ZDHHC15: variants seen among roughly 807,000 people sequenced by gnomAD.
The protein encoded by ZDHHC15 is palmitoyltransferase ZDHHC15.
A neutral mutation model predicts 31.7 loss-of-function variants in ZDHHC15; 19 were observed. The ratio of observed to expected loss-of-function variants is 0.60; its 90% CI spans 0.42 to 0.88. The LOEUF is 0.88. Ranked by LOEUF, ZDHHC15 falls within the 40% of genes least tolerant of loss-of-function variation. The pLI is 0.00. For synonymous variants in ZDHHC15, 103 were observed against 90.0 expected, an observed-to-expected ratio of 1.14 and a Z score of -0.82; for missense variants, 209 against 251.2, an observed-to-expected ratio of 0.83 and a Z score of 1.14.
intron 10 of ZDHHC15, among the ~76,000 whole-genome samples, chrX:75,380,807 T>C (rs2083106409): frequency 2.7e-5 from 3 of 111,543 alleles, no homozygotes; most frequent in Admixed American, 1.9e-4. Context: ...TTTCACTTAC[T>C]CAATATATGT....
intron 2 of ZDHHC15, among the ~76,000 whole-genome samples, chrX:75,481,487 C>T (rs1354779328): frequency 8.9e-6 from 1 of 111,934 alleles, no homozygotes; most frequent in Non-Finnish European, 1.9e-5. Context: ...GCTCCCATTC[C>T]TACATTACAA....
In ZDHHC15 at chrX:75,498,285, G is replaced by A. The variant is rs925293645; in HGVS notation, c.163+7536C>T. On this transcript the variant is annotated intron_variant, in intron 2 of 11. Coordinates refer to ENST00000373367, the MANE Select transcript of ZDHHC15 (RefSeq NM_144969.3). Reference sequence around the variant, plus strand: ...TAGGATCAGAAGTCCTAGCCAGAGCGATCAGACAAGAGAAAGAAACTGGTA... The same window carrying A: ...TAGGATCAGAAGTCCTAGCCAGAGCAATCAGACAAGAGAAAGAAACTGGTA... Among the ~76,000 whole-genome samples the A allele has an allele frequency of 5.4e-5, 6 of 110,170 alleles. No homozygotes were observed. In the East Asian group the frequency reaches 1.4e-3, roughly 26 times the overall value.
At chrX:75,454,725 T>G (rs1354099500) in intron 3 of ZDHHC15, among the ~76,000 whole-genome samples, 1 of 111,456 alleles carries the variant, frequency 9.0e-6, no homozygotes, top group African/African-American at 3.3e-5. Flanking sequence ...GTAACAAACC[T>G]GCACATTGTG....
chrX:75,437,126 C>G (rs2083863952), intron 4 of ZDHHC15, among the ~76,000 whole-genome samples: 1 of 110,991 alleles, frequency 9.0e-6, no homozygotes, highest in South Asian at 3.8e-4. Context: ...CGTGATCCGC[C>G]CGCCCCGGCC....
intron 10 of ZDHHC15, among the ~76,000 whole-genome samples, chrX:75,398,149 A>G (rs1293176491): frequency 8.9e-6 from 1 of 112,166 alleles, no homozygotes; most frequent in African/African-American, 3.2e-5. Flanking sequence ...CTGGCTTGGA[A>G]TTCCAGTCAG....
chrX:75,484,324 A>G (rs1316616806), intron 2 of ZDHHC15, among the ~76,000 whole-genome samples: 1 of 112,233 alleles, frequency 8.9e-6, no homozygotes, highest in Non-Finnish European at 1.9e-5. Flanking sequence ...AAAAACAAAG[A>G]GACTTATACT....
At chrX:75,457,931 C>G (rs1206054774) in intron 3 of ZDHHC15, among the ~76,000 whole-genome samples, 1 of 111,044 alleles carries the variant, frequency 9.0e-6, no homozygotes, top group Non-Finnish European at 1.9e-5. Flanking sequence ...TGTAAGGAAC[C>G]TGAGCATCTG....
At chrX:75,396,321 A>T (rs955895898) in intron 10 of ZDHHC15, among the ~76,000 whole-genome samples, 3 of 112,390 alleles carry the variant, frequency 2.7e-5, no homozygotes, top group African/African-American at 9.7e-5. Flanking sequence ...TAATCTGATT[A>T]AAAATGGGCA....
chrX:75,485,430 T>C (rs2084761839), intron 2 of ZDHHC15, among the ~76,000 whole-genome samples: 1 of 111,208 alleles, frequency 9.0e-6, no homozygotes, highest in South Asian at 3.8e-4. Context: ...GGTACACAGC[T>C]ATGGTGGGAA....
chrX:75,430,119 C>T (rs1279071086), intron 5 of ZDHHC15, 139 bp from the exon 6 acceptor site: 9 of 614,882 alleles, frequency 1.5e-5, no homozygotes, highest in Non-Finnish European at 2.2e-5. Flanking sequence ...ATAGTGACTC[C>T]AAAACTGTGG....
At chrX:75,458,529 T>TA (rs1039715824) in intron 3 of ZDHHC15, among the ~76,000 whole-genome samples, 1 of 111,773 alleles carries the variant, frequency 8.9e-6, no homozygotes, top group East Asian at 2.8e-4. Flanking sequence ...ATATCTAACT[T>TA]AAAAAATTGA....
chrX:75,467,839 G>A (rs749744956), intron 3 of ZDHHC15, among the ~76,000 whole-genome samples: 7 of 111,006 alleles, frequency 6.3e-5, no homozygotes, highest in Non-Finnish European at 1.1e-4. Flanking sequence ...AACCATTACC[G>A]CTATCTAGTT....
intron 2 of ZDHHC15, among the ~76,000 whole-genome samples, chrX:75,479,939 T>C (rs1356721877): frequency 4.5e-5 from 5 of 111,906 alleles, no homozygotes; most frequent in Non-Finnish European, 9.4e-5. Flanking sequence ...GGCTCTCTAC[T>C]ACCTTTCTTT....
chrX:75,435,937 G>A (rs1436446786), intron 4 of ZDHHC15, among the ~76,000 whole-genome samples: 2 of 111,674 alleles, frequency 1.8e-5, no homozygotes, highest in African/African-American at 6.5e-5. Flanking sequence ...TTCTTTGAGT[G>A]TCTGATAGAA....
chrX:75,425,459 A>T (rs1417290196), intron 7 of ZDHHC15, among the ~76,000 whole-genome samples: 1 of 112,245 alleles, frequency 8.9e-6, no homozygotes, highest in African/African-American at 3.2e-5. Flanking sequence ...TATCTAGGAC[A>T]TCTTATTTTC....
intron 2 of ZDHHC15, among the ~76,000 whole-genome samples, chrX:75,488,027 T>C (rs901884010): frequency 1.8e-5 from 2 of 112,263 alleles, no homozygotes; most frequent in African/African-American, 6.5e-5. Flanking sequence ...TTTGAGATTA[T>C]GTCAAATGTC....
At chrX:75,509,971 T>C (rs1407726087) in intron 1 of ZDHHC15, among the ~76,000 whole-genome samples, 1 of 111,833 alleles carries the variant, frequency 8.9e-6, no homozygotes, top group African/African-American at 3.2e-5. Context: ...CCCCCCACTT[T>C]TTCTCTTAGA....
Position 75,396,644 on chromosome X carries a change from T to C in ZDHHC15, c.968-17446A>G, listed in dbSNP as rs1028653893. Reference sequence around the variant, plus strand: ...TCCAGCAATTCTACTCCTAGTTATATACTGAAGAGAAAGAAAATCAGTATA... The same window carrying C: ...TCCAGCAATTCTACTCCTAGTTATACACTGAAGAGAAAGAAAATCAGTATA... On this transcript the variant is annotated intron_variant, in intron 10 of 11. Transcript: ENST00000373367. Among the ~76,000 whole-genome samples the C allele has an allele frequency of 4.5e-5, 5 of 111,837 alleles. No homozygotes were observed. In the Admixed American group the frequency reaches 4.8e-4, roughly 11 times the overall value.
intron 4 of ZDHHC15, among the ~76,000 whole-genome samples, chrX:75,437,616 T>G (rs2083879494): frequency 9.5e-6 from 1 of 104,781 alleles, no homozygotes; most frequent in Non-Finnish European, 1.9e-5. Flanking sequence ...GGATATGAAC[T>G]CATCATTTTT....
Sources: allele counts gnomAD v4.1 joint callset (sites outside exome capture counted in the v4.1 genomes callset), GRCh38; gene constraint gnomAD v4.1.1; transcripts MANE v1.5; gene names NCBI Gene and HGNC (gene_info 2026-07-23, HGNC 2026-07-21).